Variants in RASSF8 observed in about 807,000 individuals in gnomAD.
The protein encoded by RASSF8 is ras association domain-containing protein 8.
RASSF8 carries 22 observed loss-of-function variants against 48.5 expected under a neutral mutation model. The observed-to-expected ratio is 0.45, with a 90% CI of 0.32 to 0.65. RASSF8 has a LOEUF of 0.65. Among genes scored for constraint, RASSF8 ranks in the 30% least tolerant of loss-of-function variants. The probability of loss-of-function intolerance (pLI) is 0.03; values close to 1 mark genes in which losing one functional copy is unlikely to be tolerated. For synonymous variants in RASSF8, 127 were observed against 171.5 expected, an observed-to-expected ratio of 0.74 and a Z score of 2.03; for missense variants, 418 against 489.2, an observed-to-expected ratio of 0.85 and a Z score of 1.37.
chr12:25,993,715 C>G (rs1321104736), intron 1 of RASSF8, among the ~76,000 whole-genome samples: 1 of 152,010 alleles, frequency 6.6e-6, no homozygotes, highest in African/African-American at 2.4e-5. Context: ...TTTCTTTTAT[C>G]TTCTTTAGGA....
intron 1 of RASSF8, among the ~76,000 whole-genome samples, chr12:25,993,212 AAG>A (rs910758760): frequency 7.9e-5 from 12 of 152,232 alleles, no homozygotes; most frequent in African/African-American, 2.7e-4. Context: ...AAGTTTAAGA[AAG>A]AGAGATTTTA....
chr12:25,976,798 G>A (rs903657816), intron 1 of RASSF8, among the ~76,000 whole-genome samples: 3 of 152,118 alleles, frequency 2.0e-5, no homozygotes, highest in African/African-American at 4.8e-5. Flanking sequence ...ACCCTCTACC[G>A]GTGACATGAC....
At chr12:26,079,680 G>A (rs1944101310) in exon 6 of RASSF8, 1 of 152,014 alleles carries the variant, frequency 6.6e-6, no homozygotes, top group Non-Finnish European at 1.5e-5. Context: ...TGATCAGCAG[G>A]GAAATGCAAA....
At chr12:26,039,486 G>A (rs1294661197) in intron 2 of RASSF8, among the ~76,000 whole-genome samples, 5 of 152,006 alleles carry the variant, frequency 3.3e-5, no homozygotes, top group South Asian at 2.1e-4. Context: ...GGGGGCGGGG[G>A]TCGGTGTTGC....
chr12:25,963,945 G>A (rs1941296826), intron 1 of RASSF8, among the ~76,000 whole-genome samples: 1 of 152,244 alleles, frequency 6.6e-6, no homozygotes, highest in South Asian at 2.1e-4. Flanking sequence ...GAAGGCATGA[G>A]AAGAGAGAGA....
chr12:26,025,526 C>CA (rs1258959131), intron 2 of RASSF8, among the ~76,000 whole-genome samples: 1 of 146,798 alleles, frequency 6.8e-6, no homozygotes, highest in Non-Finnish European at 1.5e-5. Context: ...CGCACCGCTG[C>CA]ACTCTAGCCC....
At chr12:26,057,773 G>A (rs1047849163) in intron 3 of RASSF8, among the ~76,000 whole-genome samples, 13 of 152,074 alleles carry the variant, frequency 8.5e-5, no homozygotes, top group African/African-American at 2.4e-4. Context: ...ATTTCTCCAC[G>A]TCCTCTCCAG....
In RASSF8 at chr12:26,065,013, G is replaced by C; in HGVS notation, c.619G>C (p.Val207Leu). Residue 207 changes from valine (V) to leucine (L), a missense_variant, in exon 4 of 6, where the codon GTC (valine) becomes CTC (leucine). Coordinates refer to ENST00000689635, the MANE Select transcript of RASSF8 (RefSeq NM_001394098.1). ...TAATTCCAACCTTGAAGAGGAAATT[G>C]TCCGTCTAGAGCAAAAGATCAAAAG... ...KYNSNLEEEIVRLEQKIKRND... is the reference protein window; with the variant it reads ...KYNSNLEEEILRLEQKIKRND... 1 of 1,613,028 alleles carries C rather than the reference G, an allele frequency of 6.2e-7. No individual in the cohort carries two copies. The highest frequency in any genetic ancestry group is 8.5e-7 in the Non-Finnish European group (1 of 1,179,702).
chr12:26,031,112 G>C (rs1306829233), intron 2 of RASSF8, among the ~76,000 whole-genome samples: 1 of 152,104 alleles, frequency 6.6e-6, no homozygotes, highest in Non-Finnish European at 1.5e-5. Flanking sequence ...TAATGCCTGA[G>C]ACAACAATCA....
chr12:26,016,229 T>G (rs563156589), intron 2 of RASSF8, among the ~76,000 whole-genome samples: 1 of 151,704 alleles, frequency 6.6e-6, no homozygotes, highest in Non-Finnish European at 1.5e-5. Context: ...TTTATTTGTT[T>G]GTTTGGTTGG....
Position 26,069,108 on chromosome 12 carries a change from T to C in RASSF8, c.*290T>C, listed in dbSNP as rs1193191522. The C allele has an allele frequency of 3.0e-6, 3 of 1,015,464 alleles. No homozygotes were observed. Among genetic ancestry groups the C allele is most frequent in the Non-Finnish European group, 3.5e-6 (3 of 849,542 alleles). The allele number at this position is 1,015,464 out of a possible 1,614,324, so 62.9% of individuals were successfully genotyped here. On this transcript the variant is annotated 3_prime_UTR_variant, in exon 6 of 6. Transcript: ENST00000689635. ...AGCTTTAGGAAAGTATTATATAGTG[T>C]GTATACATAAATAAGCCGTGACTTA...
intron 2 of RASSF8, among the ~76,000 whole-genome samples, chr12:26,005,659 C>T (rs935740688): frequency 7.9e-5 from 12 of 152,170 alleles, no homozygotes; most frequent in Admixed American, 5.9e-4. Context: ...TGAAACCCAT[C>T]GTTTCTGCCT....
chr12:25,988,349 T>G (rs1201079743), intron 1 of RASSF8, among the ~76,000 whole-genome samples: 2 of 152,282 alleles, frequency 1.3e-5, no homozygotes, highest in East Asian at 3.9e-4. Context: ...TTGGAACTTT[T>G]CTTTTTGTCT....
chr12:25,963,086 G>A (rs1025885163), intron 1 of RASSF8, among the ~76,000 whole-genome samples: 16 of 151,916 alleles, frequency 1.1e-4, no homozygotes, highest in African/African-American at 2.9e-4. Context: ...AGCTGCTGTC[G>A]GCTGGTGGTG....
At chr12:26,053,025 G>C (rs185926712) in intron 2 of RASSF8, 1 of 152,138 alleles carries the variant, frequency 6.6e-6, no homozygotes, top group African/African-American at 2.4e-5. Flanking sequence ...CGGACAGGGC[G>C]AAATGGGCAG....
chr12:25,966,156 C>T (rs368701535), intron 1 of RASSF8, among the ~76,000 whole-genome samples: 6 of 152,208 alleles, frequency 3.9e-5, no homozygotes, highest in African/African-American at 1.4e-4. Flanking sequence ...TAACCACCAG[C>T]AGGTAAACAT....
Position 26,064,861 on chromosome 12 carries a change from T to C in RASSF8, c.467T>C (p.Leu156Pro). Residue 156 changes from leucine to proline, a missense_variant, in exon 4 of 6, where the codon CTG (leucine) becomes CCG (proline). Coordinates refer to ENST00000689635, the MANE Select transcript of RASSF8 (RefSeq NM_001394098.1). ...GKETEFKQKV[L>P]NNCKTTADEL... ...GAAACTGAGTTTAAGCAAAAGGTGC[T>C]GAATAACTGCAAAACAACAGCAGAT... The C allele has an allele frequency of 1.2e-6, 2 of 1,614,200 alleles. No homozygotes were observed. Among genetic ancestry groups the C allele is most frequent in the Non-Finnish European group, 1.7e-6 (2 of 1,180,036 alleles).
In RASSF8 at chr12:26,036,281, T is replaced by A. The variant is rs1020277658; in HGVS notation, c.-108-18955T>A. 2.6e-5 allele frequency among the ~76,000 whole-genome samples: 4 copies of A among 152,168 alleles called. No homozygotes were observed. The East Asian group carries it at 7.7e-4, about 29-fold the overall frequency. On this transcript the variant is annotated intron_variant, in intron 2 of 5. Coordinates refer to ENST00000689635, the MANE Select transcript of RASSF8 (RefSeq NM_001394098.1). ...TGGAGGGCACATCGGGGGAAACCAA[T>A]GGCTTCTGTTTCTGTTTCGTTTTGT...
At position 26,070,332 on chromosome 12, in the gene RASSF8, C is replaced by T. The variant is rs971230385; in HGVS notation, c.*1514C>T. Reference sequence around the variant, plus strand: ...AGTGAATGCTGACAATGCTGCTCTACTTAGGTTTCCTATGAAATTTTTAAG... The same window carrying T: ...AGTGAATGCTGACAATGCTGCTCTATTTAGGTTTCCTATGAAATTTTTAAG... On this transcript the variant is annotated 3_prime_UTR_variant, in exon 6 of 6. Coordinates refer to ENST00000689635, the MANE Select transcript of RASSF8 (RefSeq NM_001394098.1). 2.6e-5 allele frequency: 26 copies of T among 985,210 alleles called. No individual in the cohort carries two copies. The highest frequency in any genetic ancestry group is 6.1e-5 in the Admixed American group (1 of 16,264). 61.0% of individuals were successfully genotyped at this position (985,210 alleles called of 1,614,324 possible).
Sources: allele counts gnomAD v4.1 joint callset (sites outside exome capture counted in the v4.1 genomes callset), GRCh38; gene constraint gnomAD v4.1.1; transcripts MANE v1.5; gene names NCBI Gene and HGNC (gene_info 2026-07-23, HGNC 2026-07-21).